Variants in GPLD1 observed in about 807,000 individuals in gnomAD.
GPLD1 encodes glycosylphosphatidylinositol specific phospholipase D1.
GPLD1 carries 84 observed loss-of-function variants against 112.6 expected under a neutral mutation model. The ratio of observed to expected loss-of-function variants is 0.75; its 90% CI spans 0.63 to 0.89. The LOEUF (loss-of-function observed/expected upper bound fraction) is 0.89, where lower values mean the gene tolerates loss of function less well. GPLD1 is among the 40% of genes least tolerant of loss of function. The pLI is 0.00. For missense variants in GPLD1, 1,044 were observed against 1,051.5 expected (o/e 0.99, Z 0.10); for synonymous variants, 386 against 403.8 (o/e 0.96, Z 0.53).
Position 24,480,017 on chromosome 6 carries a change from A to C in GPLD1, c.154-58T>G, listed in dbSNP as rs1328410857. 5 of 1,010,260 alleles carry C rather than the reference A, an allele frequency of 4.9e-6. No individual in the cohort carries two copies. In the Admixed American group the frequency reaches 5.2e-5, roughly 11 times the overall value. 62.6% of individuals were successfully genotyped at this position (1,010,260 alleles called of 1,614,324 possible). ...CAGGAGTCAACAGCCTGGGGAGTAT[A>C]GGCCCCACCAATTTTCTGTGATGAG... On this transcript the variant is annotated intron_variant, in intron 2 of 24. Transcript: ENST00000230036.
intron 11 of GPLD1, 52 bp from the exon 12 acceptor site, chr6:24,460,451 T>C (rs2793434): frequency 0.45 from 709,875 of 1,587,380 alleles, 161,040 homozygotes; most frequent in Middle Eastern, 0.48. Context: ...AACAACCCCC[T>C]GTAAAACTGA....
Position 24,436,711 on chromosome 6 carries a change from CAG to C in GPLD1, c.2221_2222del (p.Leu741GlufsTer21), listed in dbSNP as rs1491202142. On this transcript the variant is annotated frameshift_variant, in exon 22 of 25. Coordinates refer to ENST00000230036, the MANE Select transcript of GPLD1 (RefSeq NM_001503.4). LOFTEE classifies it high-confidence loss of function. The part of the protein sequence containing the change: ...GLDEIIMAAP[L>X]RIADVTSGLI... ...GTCCAGAGGTTACATCTGCTATCCT[CAG>C]GGGGGCTGCCATGATGATTTCATCT... 3 of 1,614,030 alleles carry C rather than the reference CAG, an allele frequency of 1.9e-6. No homozygotes were observed. Among genetic ancestry groups the C allele is most frequent in the Non-Finnish European group, 2.5e-6 (3 of 1,179,998 alleles).
In GPLD1 at chr6:24,427,477, C is replaced by T. The variant is rs1200293552; in HGVS notation, c.*1555G>A. Among the ~76,000 whole-genome samples, 1 of 152,156 alleles carries T rather than the reference C, an allele frequency of 6.6e-6. No homozygotes were observed. Among genetic ancestry groups the T allele is most frequent in the Non-Finnish European group, 1.5e-5 (1 of 68,010 alleles). ...AACTCTACAAAAGTATTGGAGGGCA[C>T]AGAAGGGTGATAGTCTTGGTTTTTA... is the stretch of plus-strand genomic sequence containing the variant. On this transcript the variant is annotated 3_prime_UTR_variant, in exon 25 of 25. Coordinates refer to ENST00000230036, the MANE Select transcript of GPLD1 (RefSeq NM_001503.4).
chr6:24,453,874 A>G (rs772676006), intron 14 of GPLD1, 141 bp downstream of exon 14: 1 of 624,040 alleles, frequency 1.6e-6, no homozygotes, highest in East Asian at 2.7e-5. Flanking sequence ...CTAAAACTAA[A>G]AAGTGCTTCA....
chr6:24,429,262 C>G, intron 24 of GPLD1, 144 bp from the exon 25 acceptor site: 1 of 525,072 alleles, frequency 1.9e-6, no homozygotes, highest in Non-Finnish European at 3.4e-6. Context: ...TCAAATGCCA[C>G]TTTCCCTTTG....
chr6:24,446,760 C>T lies in GPLD1; in HGVS notation c.1820+78G>A, dbSNP rs1159285234. ...GCATTTCCTAGCCCTTTTCCCTCAG[C>T]CTCATGCTCAGTGCGCTCCATAGCA... On this transcript the variant is annotated intron_variant, in intron 18 of 24. Coordinates refer to ENST00000230036, the MANE Select transcript of GPLD1 (RefSeq NM_001503.4). 2.9e-6 allele frequency: 4 copies of T among 1,383,814 alleles called. No individual in the cohort carries two copies. The Admixed American group carries it at 9.5e-5, about 33-fold the overall frequency. 85.7% of individuals were successfully genotyped at this position (1,383,814 alleles called of 1,614,324 possible).
chr6:24,437,308 C>A lies in GPLD1; in HGVS notation c.2021-19G>T. ...ACGTCATCTGAAACGAACCACAGTT[C>A]CTGCTGGCCTCACAGAAAGGAAGGC... On this transcript the variant is annotated intron_variant, in intron 20 of 24. Transcript: ENST00000230036. The A allele has an allele frequency of 6.2e-7, 1 of 1,608,296 alleles. No homozygotes were observed. The highest frequency in any genetic ancestry group is 1.1e-5 in the South Asian group (1 of 90,742).
chr6:24,448,364 G>C (rs1380681605), intron 15 of GPLD1, among the ~76,000 whole-genome samples, 156 bp from the exon 16 acceptor site: 1 of 92,508 alleles, frequency 1.1e-5, no homozygotes, highest in Non-Finnish European at 2.6e-5. Context: ...AACATTGCTT[G>C]AGGCCAGGAG....
downstream of GPLD1, chr6:24,424,997 G>C (rs1436854097): frequency 6.6e-6 from 1 of 152,222 alleles, no homozygotes; most frequent in East Asian, 1.9e-4. Flanking sequence ...AGAACAGAAT[G>C]GAACAGGACA....
chr6:24,436,579 T>G lies in GPLD1; in HGVS notation c.2355A>C (p.Glu785Asp). Residue 785 changes from glutamate to aspartate, a missense_variant, in exon 22 of 25, where the codon GAA becomes GAC. Transcript: ENST00000230036. ...CKSWITPCPE[E>D]KAQYVLISPE... is the part of the protein sequence containing the mutation. ...TAGAATTTTGTAGAACACTTACCTT[T>G]TCTTCTGGACATGGAGTTATCCATG... 1 of 1,613,310 alleles carries G rather than the reference T, an allele frequency of 6.2e-7. No homozygotes were observed. The highest frequency in any genetic ancestry group is 8.5e-7 in the Non-Finnish European group (1 of 1,179,560).
intron 14 of GPLD1, 57 bp downstream of exon 14, chr6:24,453,958 C>T (rs1763179836): frequency 2.7e-6 from 3 of 1,129,284 alleles, no homozygotes; most frequent in South Asian, 1.5e-5. Context: ...GAATCTGCCA[C>T]AAAATGCAAG....
At chr6:24,477,725 G>C (rs1764068398) in intron 3 of GPLD1, among the ~76,000 whole-genome samples, 1 of 150,166 alleles carries the variant, frequency 6.7e-6, no homozygotes, top group African/African-American at 2.5e-5. Context: ...GCAAGACCCT[G>C]TCTCTAAAAA....
intron 7 of GPLD1, among the ~76,000 whole-genome samples, 170 bp downstream of exon 7, chr6:24,472,412 G>A (rs1313270586): frequency 6.6e-6 from 1 of 152,124 alleles, no homozygotes; most frequent in East Asian, 1.9e-4. Flanking sequence ...AAATTGAGTG[G>A]AATTCAATTT....
At chr6:24,443,537 T>G (rs1362855312) in intron 20 of GPLD1, among the ~76,000 whole-genome samples, 2 of 152,238 alleles carry the variant, frequency 1.3e-5, no homozygotes, top group Admixed American at 1.3e-4. Flanking sequence ...AGTGGTATAC[T>G]GAGTTATCAC....
intron 20 of GPLD1, among the ~76,000 whole-genome samples, chr6:24,441,186 G>A (rs186099226): frequency 6.6e-6 from 1 of 151,522 alleles, no homozygotes; most frequent in Non-Finnish European, 1.5e-5. Context: ...CGTGCCTGTA[G>A]TTCCAGCTAC....
intron 2 of GPLD1, among the ~76,000 whole-genome samples, chr6:24,481,473 AC>A (rs1217052199): frequency 6.6e-6 from 1 of 152,164 alleles, no homozygotes; most frequent in Non-Finnish European, 1.5e-5. Context: ...TGTTTTTCTA[AC>A]CAGTATCCCA....
chr6:24,429,191 CATGCT>C (rs1358116200), intron 24 of GPLD1, 73 bp from the exon 25 acceptor site: 1 of 877,940 alleles, frequency 1.1e-6, no homozygotes. Context: ...GTCCAGGCAT[CATGCT>C]ATGCTCTAGA....
intron 7 of GPLD1, among the ~76,000 whole-genome samples, chr6:24,467,856 C>T (rs1338303473): frequency 2.0e-5 from 3 of 151,920 alleles, no homozygotes; most frequent in East Asian, 3.9e-4. Flanking sequence ...GGCAAACCTG[C>T]CTCCCAATCT....
rs767397461 is a variant in GPLD1, at chr6:24,454,000, G to A, written c.1335+15C>T. On this transcript the variant is annotated intron_variant, in intron 14 of 24. Coordinates refer to ENST00000230036, the MANE Select transcript of GPLD1 (RefSeq NM_001503.4). ...TACTAACCACTAGAAGAGAAAGGAT[G>A]AGATGGTGTCTCACCTGGAAGCCTT... 2 of 1,565,206 alleles carry A rather than the reference G, an allele frequency of 1.3e-6. No individual in the cohort carries two copies. The highest frequency in any genetic ancestry group is 1.8e-6 in the Non-Finnish European group (2 of 1,140,756).
Sources: gnomAD v4.1 joint callset for allele counts (sites outside exome capture counted in the v4.1 genomes callset) on GRCh38, gnomAD v4.1.1 for gene constraint, MANE v1.5 for transcripts, NCBI Gene and HGNC (gene_info 2026-07-23, HGNC 2026-07-21) for gene names.